Variants in BSN observed in about 807,000 individuals in gnomAD.
BSN encodes the protein bassoon presynaptic cytomatrix protein.
Under a neutral mutation model 264.8 loss-of-function variants are expected in BSN, and 57 were observed. That is an observed-to-expected ratio of 0.22 (90% CI 0.17 to 0.27). The LOEUF (loss-of-function observed/expected upper bound fraction) is 0.27. BSN is among the 10% of genes least tolerant of loss of function. BSN has a pLI of 1.00. For synonymous variants in BSN, 2,059 were observed against 2,137.3 expected (o/e 0.96, Z 1.01); for missense variants, 4,615 against 5,232.5 (o/e 0.88, Z 3.64).
chr3:49,567,578 A>G (rs960680158), intron 1 of BSN, among the ~76,000 whole-genome samples: 2 of 152,202 alleles, frequency 1.3e-5, no homozygotes, highest in African/African-American at 4.8e-5. Flanking sequence ...GAGACACACA[A>G]GAGGGTGTGC....
At chr3:49,615,648 G>C (rs1050130959) in intron 1 of BSN, among the ~76,000 whole-genome samples, 7 of 152,212 alleles carry the variant, frequency 4.6e-5, no homozygotes. Flanking sequence ...GCAATCACAG[G>C]CTCTTTCTGT....
rs1559607969 is a variant in BSN at position 49,624,317 on chromosome 3, T to TTTTTTTTTTTTTTTTG, written c.225-658_225-657insTTTTTTTTTTTTTTTG. ...TGCCCAGCCTTTTTTTTTTTTTTTT[T>TTTTTTTTTTTTTTTTG]AGACAGGGTCTCACTCTGTTGCCCA... On this transcript the variant is annotated intron_variant, in intron 1 of 11. Transcript: ENST00000296452. Among the ~76,000 whole-genome samples, 11 of 127,876 alleles carry TTTTTTTTTTTTTTTTG rather than the reference T, an allele frequency of 8.6e-5. 1 individual carries two copies. Among genetic ancestry groups the TTTTTTTTTTTTTTTTG allele is most frequent in the Admixed American group, 1.6e-4 (2 of 12,474 alleles). The allele number at this position is 127,876 out of a possible 152,430, so 83.9% of individuals were successfully genotyped here.
At position 49,602,532 on chromosome 3, in the gene BSN, G is replaced by A. The variant is rs575622355; in HGVS notation, c.225-22443G>A. On this transcript the variant is annotated intron_variant, in intron 1 of 11. Transcript: ENST00000296452. Reference sequence around the variant, plus strand: ...ACTGTCTTGGCTCACTGCAACCTCCGCCTCCTGGGTTCAAGTGATTCTCTT... The same window carrying A: ...ACTGTCTTGGCTCACTGCAACCTCCACCTCCTGGGTTCAAGTGATTCTCTT... Among the ~76,000 whole-genome samples, 63 of 149,444 alleles carry A rather than the reference G, an allele frequency of 4.2e-4. No homozygotes were observed. In the South Asian group the frequency reaches 7.2e-3, roughly 17 times the overall value.
chr3:49,555,932 T>G (rs2051665841), intron 1 of BSN, among the ~76,000 whole-genome samples: 2 of 152,242 alleles, frequency 1.3e-5, no homozygotes, highest in African/African-American at 4.8e-5. Flanking sequence ...GTTTATTTCC[T>G]CAGAAGTCAT....
intron 5 of BSN, among the ~76,000 whole-genome samples, chr3:49,658,570 A>C (rs183605509): frequency 1.2e-4 from 19 of 152,026 alleles, no homozygotes; most frequent in African/African-American, 4.1e-4. Flanking sequence ...AACTTAATCT[A>C]TGGGTGTTTC....
At position 49,670,865 on chromosome 3, in the gene BSN, G is replaced by A. The variant is rs1430674183; in HGVS notation, c.*3380G>A. 1 of 152,268 alleles carries A rather than the reference G, an allele frequency of 6.6e-6. No individual in the cohort carries two copies. Among genetic ancestry groups the A allele is most frequent in the Non-Finnish European group, 1.5e-5 (1 of 68,050 alleles). The allele number at this position is 152,268 out of a possible 1,614,324, so 9.4% of individuals were successfully genotyped here. A position where few individuals can be genotyped will look rare whatever the true frequency, so the allele number is the denominator to read the frequency against. On this transcript the variant is annotated 3_prime_UTR_variant, in exon 12 of 12. Transcript: ENST00000296452. ...AACTATGCCTTGCCTTCTGGAGCCT[G>A]TAGGGAGTTTTCCAGGCAGGTCCTT...
rs1335107550 is a variant in BSN, at chr3:49,565,304, G to C, written c.224+10478G>C. ...GGGACTACAGGCACCCACCCACCAC[G>C]CCCAGCTAATTTTTTTTTTTTTTTT... On this transcript the variant is annotated intron_variant, in intron 1 of 11. Transcript: ENST00000296452. Among the ~76,000 whole-genome samples, 693 of 113,122 alleles carry C rather than the reference G, an allele frequency of 6.1e-3. 5 individuals are homozygous for C. The highest frequency in any genetic ancestry group is 0.022 in the African/African-American group (649 of 29,162). The allele number at this position is 113,122 out of a possible 152,430, so 74.2% of individuals were successfully genotyped here.
At chr3:49,595,236 A>T (rs1177391507) in intron 1 of BSN, among the ~76,000 whole-genome samples, 1 of 139,848 alleles carries the variant, frequency 7.2e-6, no homozygotes, top group Non-Finnish European at 1.5e-5. Context: ...CTTGTTGCCC[A>T]GGCTGGAGTG....
intron 1 of BSN, among the ~76,000 whole-genome samples, chr3:49,618,608 C>G (rs1461690349): frequency 6.6e-6 from 1 of 152,244 alleles, no homozygotes; most frequent in African/African-American, 2.4e-5. Context: ...CTGGGAGCAC[C>G]AATGACTTAC....
At position 49,660,982 on chromosome 3, in the gene BSN, C is replaced by G. The variant is rs2108094308; in HGVS notation, c.9137C>G (p.Ser3046Cys). ...PATAAAPATPSGPTAFQQPRF... is the reference protein window; with the variant it reads ...PATAAAPATPCGPTAFQQPRF... The stretch of plus-strand genomic sequence containing the variant: ...ACTGCCGCTGCTCCTGCCACCCCCT[C>G]TGGTCCCACTGCCTTCCAGCAGCCC... The change falls in exon 6 of 12, where the codon TCT (serine) becomes TGT (cysteine). Residue 3046 changes from serine (S) to cysteine (C), a missense_variant. Physicochemically the swap from Ser to Cys is moderately radical, Grantham distance 112. This residue lies in a region of BSN where 3,415 missense variants were observed against 3,866.4 expected (regional missense o/e 0.88). Transcript: ENST00000296452. This position sits in a 1 kb window ranked among gnomAD's most constrained non-coding sequence, Gnocchi z 7.1. 2 of 1,611,622 alleles carry G rather than the reference C, an allele frequency of 1.2e-6. No individual in the cohort carries two copies. Among genetic ancestry groups the G allele is most frequent in the Non-Finnish European group, 1.7e-6 (2 of 1,179,966 alleles).
In BSN at chr3:49,566,468, C is replaced by T. The variant is rs556432991; in HGVS notation, c.224+11642C>T. On this transcript the variant is annotated intron_variant, in intron 1 of 11. Transcript: ENST00000296452. ...CCAGAAGGAGGCAGTATGTCTGTCT[C>T]CTTGACCTACTTTAGTGATGAAAAG... Among the ~76,000 whole-genome samples the T allele has an allele frequency of 5.3e-5, 8 of 152,206 alleles. No homozygotes were observed. In the East Asian group the frequency reaches 1.5e-3, roughly 29 times the overall value.
Position 49,661,679 on chromosome 3 carries a change from C to T in BSN, c.9834C>T (p.Pro3278=), listed in dbSNP as rs753242649. Residue 3278 remains proline, a synonymous_variant, in exon 6 of 12, where the codon CCC becomes CCT. Coordinates refer to ENST00000296452, the MANE Select transcript of BSN (RefSeq NM_003458.4). ...GAGAACCAGGTGTCCTTGACGGGCC[C>T]ACACTGCCCTGCTGCTATGCCAGAG... ...EPGEPGVLDG[P]TLPCCYARGE... is the part of the protein sequence containing the mutation. 1.2e-5 allele frequency: 20 copies of T among 1,613,728 alleles called. No homozygotes were observed. In the South Asian group the frequency reaches 2.0e-4, roughly 16 times the overall value.
rs148731577 is a variant in BSN at position 49,652,895 on chromosome 3, C to T, written c.3339C>T (p.Ala1113=). Residue 1113 remains alanine, a synonymous_variant, in exon 5 of 12, where the codon GCC becomes GCT. Coordinates refer to ENST00000296452, the MANE Select transcript of BSN (RefSeq NM_003458.4). ...CGACGGAGGAGCTGAGGCAGGCGGC[C>T]GAGATGGAGGAGCTACACCGCTCCT... The part of the protein sequence containing the change: ...ASPTEELRQA[A]EMEELHRSSC... 1.3e-3 allele frequency: 2,020 copies of T among 1,609,338 alleles called. 16 individuals are homozygous for T. In the African/African-American group the frequency reaches 0.015, roughly 12 times the overall value.
rs1559614182 is a variant in BSN at position 49,651,600 on chromosome 3, G to C, written c.2044G>C (p.Asp682His). 1 of 1,613,060 alleles carries C rather than the reference G, an allele frequency of 6.2e-7. No individual in the cohort carries two copies. Reference sequence around the variant, plus strand: ...GTCTCGGAGCCCACAGAGCCTCAGTGACACAGGCTATTCCTCTGACGGCAT... The same window carrying C: ...GTCTCGGAGCCCACAGAGCCTCAGTCACACAGGCTATTCCTCTGACGGCAT... Reference protein sequence around the residue: ...DASRSPQSLSDTGYSSDGISS... With the variant: ...DASRSPQSLSHTGYSSDGISS... The change falls in exon 5 of 12, where the codon GAC becomes CAC. Residue 682 changes from aspartate to histidine, a missense_variant. Transcript: ENST00000296452. The surrounding 1 kb of genome is among the most constrained non-coding windows in gnomAD (Gnocchi z 5.4).
chr3:49,586,358 A>G (rs2051937971), intron 1 of BSN, among the ~76,000 whole-genome samples: 2 of 151,250 alleles, frequency 1.3e-5, no homozygotes, highest in South Asian at 2.1e-4. Flanking sequence ...CTATCTATCT[A>G]TCTATCATTA....
rs115606470 is a variant in BSN, at chr3:49,623,636, C to T, written c.225-1339C>T. ...GGAACTCCAGCCCCACCCAGCTTCA[C>T]ACTAGTGGAAAAGTAACACTTTATC... On this transcript the variant is annotated intron_variant, in intron 1 of 11. Coordinates refer to ENST00000296452, the MANE Select transcript of BSN (RefSeq NM_003458.4). 9.1e-3 allele frequency among the ~76,000 whole-genome samples: 1,381 copies of T among 152,334 alleles called. 19 individuals carry two copies. Among genetic ancestry groups the T allele is most frequent in the African/African-American group, 0.032 (1,325 of 41,572 alleles).
At chr3:49,629,934 C>G (rs1400974076) in intron 2 of BSN, among the ~76,000 whole-genome samples, 1 of 152,252 alleles carries the variant, frequency 6.6e-6, no homozygotes, top group Admixed American at 6.5e-5. Context: ...CCCATACCAT[C>G]CCCAACTCCT....
Position 49,661,382 on chromosome 3 carries a change from C to A in BSN, c.9537C>A (p.Ser3179Arg). Residue 3179 changes from serine (S) to arginine (R), a missense_variant, in exon 6 of 12, where the codon AGC becomes AGA. By Grantham distance (110) the Ser-to-Arg change is moderately radical. Coordinates refer to ENST00000296452, the MANE Select transcript of BSN (RefSeq NM_003458.4). ...VPMSSAPSET[S>R]YSGPAVSSGY... ...TGTCTTCAGCCCCATCTGAAACCAG[C>A]TACAGTGGCCCAGCAGTGAGCAGCG... 6.2e-7 allele frequency: 1 copy of A among 1,614,034 alleles called. No individual in the cohort carries two copies. Among genetic ancestry groups the A allele is most frequent in the Non-Finnish European group, 8.5e-7 (1 of 1,180,032 alleles).
chr3:49,565,144 CTTTTTTTTT>C (rs971015437), intron 1 of BSN, among the ~76,000 whole-genome samples: 1 of 104,580 alleles, frequency 9.6e-6, no homozygotes, highest in East Asian at 2.3e-4. Context: ...AGAGGATTTT[CTTTTTTTTT>C]TTTTTTTTTT....
Sources: gnomAD v4.1 joint callset for allele counts (sites outside exome capture counted in the v4.1 genomes callset) on GRCh38, gnomAD v4.1.1 for gene constraint, gnomAD v4.1.1 regional missense constraint, Gnocchi (gnomAD v3.1) non-coding constraint, MANE v1.5 for transcripts, NCBI Gene and HGNC (gene_info 2026-07-23, HGNC 2026-07-21) for gene names.